The following MYH11 variants were observed in gnomAD, a reference collection of about 807,000 sequenced individuals.
MYH11 encodes myosin heavy chain 11.
In MYH11, 80 loss-of-function variants were observed where a neutral mutation model predicts 246.6. The ratio of observed to expected loss-of-function variants is 0.32; its 90% CI spans 0.27 to 0.39. MYH11 has a LOEUF of 0.39. Among genes scored for constraint, MYH11 ranks in the 10% least tolerant of loss-of-function variants. MYH11 has a pLI of 1.00. For synonymous variants in MYH11, 1,071 were observed against 1,015.5 expected (o/e 1.05, Z -1.04); for missense variants, 2,158 against 2,546.8 (o/e 0.85, Z 3.29).
At chr16:15,762,329 T>C (rs2041886630) in intron 10 of MYH11, among the ~76,000 whole-genome samples, 2 of 152,184 alleles carry the variant, frequency 1.3e-5, no homozygotes, top group African/African-American at 2.4e-5. Context: ...ACCCCCTTCT[T>C]GCCTGGAGAC....
At position 15,707,959 on chromosome 16, in the gene MYH11, CAAAAA is replaced by C. The variant is rs59081092; in HGVS notation, c.5787-3841_5787-3837del. On this transcript the variant is annotated intron_variant, in intron 40 of 40. Coordinates refer to ENST00000300036, the MANE Select transcript of MYH11 (RefSeq NM_002474.3). The stretch of plus-strand genomic sequence containing the variant: ...TGCACTCCAGAGCGAGACTCCGTCT[CAAAAA>C]AAAAAAAAAAAAAAAGCAAAATCCC... Among the ~76,000 whole-genome samples, 53 of 115,942 alleles carry C rather than the reference CAAAAA, an allele frequency of 4.6e-4. No individual in the cohort carries two copies. In the East Asian group the frequency reaches 7.4e-3, roughly 16 times the overall value. The allele number at this position is 115,942 out of a possible 152,430, so 76.1% of individuals were successfully genotyped here.
At chr16:15,784,652 C>T in intron 5 of MYH11, 3 of 1,610,714 alleles carry the variant, frequency 1.9e-6, no homozygotes, top group Non-Finnish European at 2.5e-6. Context: ...TCTAAGTTCA[C>T]TCCGTGCCTC....
chr16:15,833,544 T>C (rs899761978), intron 2 of MYH11, among the ~76,000 whole-genome samples: 1 of 152,002 alleles, frequency 6.6e-6, no homozygotes, highest in Non-Finnish European at 1.5e-5. Flanking sequence ...TCTTCAGCAG[T>C]TTAGGTAGAC....
chr16:15,789,555 A>G (rs2042560066), intron 4 of MYH11, among the ~76,000 whole-genome samples: 1 of 150,598 alleles, frequency 6.6e-6, no homozygotes, highest in African/African-American at 2.5e-5. Context: ...TCTGCCTCCT[A>G]CCCTTTTATT....
chr16:15,719,157 G>C (rs868471241), intron 36 of MYH11, 63 bp downstream of exon 36: 1 of 1,487,058 alleles, frequency 6.7e-7, no homozygotes, highest in African/African-American at 1.4e-5. Flanking sequence ...AATGGGGGTC[G>C]AGGATGCTGC....
chr16:15,820,810 A>C (rs2043390652), intron 3 of MYH11, among the ~76,000 whole-genome samples: 2 of 152,232 alleles, frequency 1.3e-5, no homozygotes, highest in South Asian at 2.1e-4. Flanking sequence ...ACTTGTAATT[A>C]AAATAAAATT....
At chr16:15,763,755 A>ACCCCCAAAAC in intron 10 of MYH11, 41 bp downstream of exon 10, 2 of 272,724 alleles carry the variant, frequency 7.3e-6, no homozygotes, top group South Asian at 6.9e-5. Flanking sequence ...CCACCCCCCC[A>ACCCCCAAAAC]ACCCCAAAGT....
At chr16:15,775,682 A>G (rs1433989127) in intron 8 of MYH11, among the ~76,000 whole-genome samples, 1 of 152,266 alleles carries the variant, frequency 6.6e-6, no homozygotes, top group African/African-American at 2.4e-5. Flanking sequence ...GCCCCTGCAA[A>G]TTCCTTATAA....
At chr16:15,804,708 G>C (rs1596869473) in intron 3 of MYH11, among the ~76,000 whole-genome samples, 2 of 152,192 alleles carry the variant, frequency 1.3e-5, no homozygotes, top group East Asian at 3.9e-4. Flanking sequence ...TTTGCTTTCT[G>C]TCTCTATGGT....
chr16:15,712,289 A>G (rs11866760), intron 40 of MYH11, among the ~76,000 whole-genome samples: 1 of 152,266 alleles, frequency 6.6e-6, no homozygotes, highest in East Asian at 1.9e-4. Context: ...CTGAGGAGTC[A>G]TTAGATATAC....
At chr16:15,730,939 G>T (rs960473366) in intron 27 of MYH11, among the ~76,000 whole-genome samples, 1 of 151,984 alleles carries the variant, frequency 6.6e-6, no homozygotes, top group African/African-American at 2.4e-5. Flanking sequence ...CTCAAATTAT[G>T]CCGGAGAGAG....
intron 5 of MYH11, 27 bp from the exon 6 acceptor site, chr16:15,782,504 G>T: frequency 6.3e-7 from 1 of 1,593,298 alleles, no homozygotes; most frequent in African/African-American, 1.3e-5. Flanking sequence ...TCTAGTTATT[G>T]GAGAAAGCAA....
At chr16:15,855,067 C>T (rs2044427969) in intron 1 of MYH11, among the ~76,000 whole-genome samples, 2 of 152,190 alleles carry the variant, frequency 1.3e-5, no homozygotes, top group Middle Eastern at 3.4e-3. Context: ...GGCATGTTTG[C>T]CTCAATCTCT....
rs116409042 is a variant in MYH11, at chr16:15,731,194, C to T, written c.3651+1370G>A. On this transcript the variant is annotated intron_variant, in intron 27 of 40. Transcript: ENST00000300036. ...GTTTTAAGTTTCATTTAAATCTCCC[C>T]GAAAGTGTTGTTACACCTTTGCTTA... Among the ~76,000 whole-genome samples, 825 of 152,242 alleles carry T rather than the reference C, an allele frequency of 5.4e-3. 7 individuals carry two copies. The highest frequency in any genetic ancestry group is 0.019 in the African/African-American group (792 of 41,552).
intron 2 of MYH11, among the ~76,000 whole-genome samples, chr16:15,826,538 G>A (rs1293157376): frequency 3.3e-5 from 5 of 151,568 alleles, no homozygotes; most frequent in East Asian, 3.9e-4. Flanking sequence ...GCAGTAAGCC[G>A]TGATTGTGCC....
At chr16:15,778,671 C>G (rs1245563433) in intron 7 of MYH11, 109 bp downstream of exon 7, 7 of 1,104,400 alleles carry the variant, frequency 6.3e-6, no homozygotes, top group African/African-American at 1.5e-5. Flanking sequence ...CTGGAAGAAA[C>G]CTAAGAGGCT....
intron 40 of MYH11, among the ~76,000 whole-genome samples, chr16:15,710,143 T>C (rs968056232): frequency 5.3e-5 from 8 of 152,202 alleles, no homozygotes; most frequent in Non-Finnish European, 1.0e-4. Context: ...AAAAATGGTC[T>C]TTTTGTTCCA....
rs1242385456 is a variant in MYH11, at chr16:15,703,766, C to T, written c.*225G>A. The T allele has an allele frequency of 1.7e-6, 1 of 597,826 alleles. No homozygotes were observed. Among genetic ancestry groups the T allele is most frequent in the Non-Finnish European group, 3.0e-6 (1 of 338,290 alleles). 37.0% of individuals were successfully genotyped at this position (597,826 alleles called of 1,614,324 possible). ...ACCACGCCCAGCTTATTTTTAAATT[C>T]TTGTATAGATGAGGTTTTACTACGT... On this transcript the variant is annotated 3_prime_UTR_variant, in exon 41 of 41. Coordinates refer to ENST00000300036, the MANE Select transcript of MYH11 (RefSeq NM_002474.3).
chr16:15,741,708 C>T (rs769640356), intron 21 of MYH11, 39 bp from the exon 22 acceptor site: 33 of 1,613,926 alleles, frequency 2.0e-5, no homozygotes, highest in South Asian at 3.3e-5. Flanking sequence ...GTGAGCCCCA[C>T]GGGGCCAAGT....
Sources: gnomAD v4.1 joint callset for allele counts (sites outside exome capture counted in the v4.1 genomes callset) on GRCh38, gnomAD v4.1.1 for gene constraint, MANE v1.5 for transcripts, NCBI Gene and HGNC (gene_info 2026-07-23, HGNC 2026-07-21) for gene names.